The following TMEM132C variants were observed in gnomAD, a reference collection of about 807,000 sequenced individuals.
TMEM132C encodes the protein protein phosphatase 1, regulatory subunit 152.
TMEM132C carries 29 observed loss-of-function variants against 61.4 expected under a neutral mutation model. The ratio of observed to expected loss-of-function variants is 0.47; its 90% CI spans 0.35 to 0.64. The LOEUF (loss-of-function observed/expected upper bound fraction) is 0.64. Ranked by LOEUF, TMEM132C falls within the 30% of genes least tolerant of loss-of-function variation. TMEM132C has a pLI of 0.00. For synonymous variants in TMEM132C, 656 were observed against 633.1 expected, an observed-to-expected ratio of 1.04 and a Z score of -0.54; for missense variants, 1,408 against 1,476.9, an observed-to-expected ratio of 0.95 and a Z score of 0.76.
At chr12:128,470,619 T>C (rs148180879) in intron 2 of TMEM132C, among the ~76,000 whole-genome samples, 52 of 152,296 alleles carry the variant, frequency 3.4e-4, no homozygotes, top group African/African-American at 1.2e-3. Flanking sequence ...TCAAATCCCA[T>C]TGATACATGA....
At chr12:128,420,036 TAAA>T (rs1159517850) in intron 2 of TMEM132C, among the ~76,000 whole-genome samples, 20 of 148,994 alleles carry the variant, frequency 1.3e-4, no homozygotes, top group African/African-American at 5.0e-4. Flanking sequence ...CTACTAAAAA[TAAA>T]AAAAAAAATA....
chr12:128,273,997 C>T lies in TMEM132C; in HGVS notation c.85+6510C>T, dbSNP rs1235925246. On this transcript the variant is annotated intron_variant, in intron 1 of 8. Coordinates refer to ENST00000435159, the MANE Select transcript of TMEM132C (RefSeq NM_001136103.3). Reference sequence around the variant, plus strand: ...TCTGATGTTCTTAAAACCAGTTTCTCTTCAAGATGTTATTCTCCTACCTGT... The same window carrying T: ...TCTGATGTTCTTAAAACCAGTTTCTTTTCAAGATGTTATTCTCCTACCTGT... 2.0e-5 allele frequency among the ~76,000 whole-genome samples: 3 copies of T among 152,316 alleles called. No individual in the cohort carries two copies. In the East Asian group the frequency reaches 5.8e-4, roughly 29 times the overall value.
chr12:128,578,001 C>G (rs1875182025), intron 3 of TMEM132C, among the ~76,000 whole-genome samples: 1 of 152,216 alleles, frequency 6.6e-6, no homozygotes, highest in Non-Finnish European at 1.5e-5. Context: ...CTTGTATATT[C>G]AAATTAACTC....
chr12:128,353,099 A>C (rs893405705), intron 1 of TMEM132C, among the ~76,000 whole-genome samples: 1 of 152,238 alleles, frequency 6.6e-6, no homozygotes, highest in African/African-American at 2.4e-5. Flanking sequence ...ATAACAAAGT[A>C]GAGAAATACA....
chr12:128,272,922 T>C (rs1255262535), intron 1 of TMEM132C, among the ~76,000 whole-genome samples: 1 of 152,210 alleles, frequency 6.6e-6, no homozygotes, highest in Non-Finnish European at 1.5e-5. Flanking sequence ...GTCAGATAAG[T>C]GTTTTAAGAT....
chr12:128,336,284 G>A (rs568590528), intron 1 of TMEM132C, among the ~76,000 whole-genome samples: 81 of 152,218 alleles, frequency 5.3e-4, no homozygotes, highest in African/African-American at 1.9e-3. Context: ...AAATATGTGC[G>A]TATATAAAGA....
intron 2 of TMEM132C, among the ~76,000 whole-genome samples, chr12:128,435,312 A>C (rs1430674986): frequency 6.6e-6 from 1 of 152,170 alleles, no homozygotes; most frequent in Non-Finnish European, 1.5e-5. Flanking sequence ...CGGTGACCCA[A>C]CATTAAGAAC....
At chr12:128,397,198 T>C (rs1874991050) in intron 1 of TMEM132C, among the ~76,000 whole-genome samples, 1 of 152,106 alleles carries the variant, frequency 6.6e-6, no homozygotes, top group Non-Finnish European at 1.5e-5. Flanking sequence ...AGAAGGTGGT[T>C]TCTCCCCCTT....
chr12:128,507,033 C>T (rs578237906), intron 2 of TMEM132C, among the ~76,000 whole-genome samples: 4 of 152,114 alleles, frequency 2.6e-5, no homozygotes, highest in African/African-American at 9.6e-5. Context: ...AAAGCAGATC[C>T]CAGGGAAAAA....
chr12:128,492,707 T>C (rs1871785634), intron 2 of TMEM132C, among the ~76,000 whole-genome samples: 1 of 152,258 alleles, frequency 6.6e-6, no homozygotes, highest in Non-Finnish European at 1.5e-5. Flanking sequence ...TGTTTGTTTT[T>C]TTCTTGTAAA....
chr12:128,684,861 A>G (rs1198316570), intron 5 of TMEM132C, among the ~76,000 whole-genome samples: 6 of 152,196 alleles, frequency 3.9e-5, no homozygotes, highest in Non-Finnish European at 8.8e-5. Context: ...TGCTGTAGTA[A>G]TGAGAGAGAC....
chr12:128,432,207 T>TAACATCCATTGCTAACAC (rs1359752472), intron 2 of TMEM132C, among the ~76,000 whole-genome samples: 4 of 152,238 alleles, frequency 2.6e-5, no homozygotes, highest in East Asian at 3.9e-4. Context: ...CCTGCTAACG[T>TAACATCCATTGCTAACAC]AACATCCATT....
intron 3 of TMEM132C, among the ~76,000 whole-genome samples, chr12:128,564,051 C>T (rs146232996): frequency 8.5e-5 from 13 of 152,320 alleles, no homozygotes; most frequent in African/African-American, 3.1e-4. Context: ...ATAAAGGCAC[C>T]GCAGACCTGT....
intron 5 of TMEM132C, among the ~76,000 whole-genome samples, chr12:128,676,537 C>A (rs1954588723): frequency 6.6e-6 from 1 of 152,172 alleles, no homozygotes; most frequent in South Asian, 2.1e-4. Context: ...CTTAGAGAAT[C>A]ATTGTAAACA....
At position 128,278,890 on chromosome 12, in the gene TMEM132C, C is replaced by T. The variant is rs959692107; in HGVS notation, c.85+11403C>T. Among the ~76,000 whole-genome samples the T allele has an allele frequency of 3.3e-5, 5 of 152,050 alleles. No homozygotes were observed. The highest frequency in any genetic ancestry group is 2.1e-4 in the South Asian group (1 of 4,804). ...TTGAAGGCCTGCAGAGATCAAAAGG[C>T]TGACCACCCCTAGAAGACAAGAAGG... On this transcript the variant is annotated intron_variant, in intron 1 of 8. Transcript: ENST00000435159. This position sits in a 1 kb window ranked among gnomAD's most constrained non-coding sequence, Gnocchi z 4.2.
At chr12:128,588,755 C>G (rs1875641892) in intron 3 of TMEM132C, among the ~76,000 whole-genome samples, 1 of 152,174 alleles carries the variant, frequency 6.6e-6, no homozygotes, top group Admixed American at 6.5e-5. Context: ...CATCTATGAA[C>G]CAGGAGAAGG....
chr12:128,337,970 G>A (rs1872834322), intron 1 of TMEM132C, among the ~76,000 whole-genome samples: 1 of 152,152 alleles, frequency 6.6e-6, no homozygotes, highest in East Asian at 1.9e-4. Context: ...GGGAACACCA[G>A]CTGTGTGATG....
At chr12:128,412,371 G>T (rs1868590113) in intron 1 of TMEM132C, among the ~76,000 whole-genome samples, 1 of 152,106 alleles carries the variant, frequency 6.6e-6, no homozygotes, top group South Asian at 2.1e-4. Flanking sequence ...TGTAGACTCT[G>T]ATTTCTTTTC....
intron 2 of TMEM132C, among the ~76,000 whole-genome samples, chr12:128,528,108 A>C (rs893021870): frequency 6.6e-6 from 1 of 152,200 alleles, no homozygotes; most frequent in Non-Finnish European, 1.5e-5. Context: ...ACTCACAAAC[A>C]TAGCAGAGCG....
Sources: gnomAD v4.1 joint callset for allele counts (sites outside exome capture counted in the v4.1 genomes callset) on GRCh38, gnomAD v4.1.1 for gene constraint, Gnocchi (gnomAD v3.1) non-coding constraint, MANE v1.5 for transcripts, NCBI Gene and HGNC (gene_info 2026-07-23, HGNC 2026-07-21) for gene names.